Variants in ABCC4 observed in about 807,000 individuals in gnomAD.
The protein encoded by ABCC4 is ATP-binding cassette sub-family C member 4.
ABCC4 carries 102 observed loss-of-function variants against 168.5 expected under a neutral mutation model. The ratio of observed to expected loss-of-function variants is 0.61; its 90% CI spans 0.52 to 0.71. ABCC4 has a LOEUF of 0.71. Ranked by LOEUF, ABCC4 falls within the 30% of genes least tolerant of loss-of-function variation. ABCC4 has a pLI of 0.00. For missense variants in ABCC4, 1,402 were observed against 1,605.8 expected, an observed-to-expected ratio of 0.87 and a Z score of 2.17; for synonymous variants, 617 against 590.7, an observed-to-expected ratio of 1.04 and a Z score of -0.65.
chr13:95,299,029 G>C (rs1247860022), intron 1 of ABCC4, among the ~76,000 whole-genome samples: 2 of 151,960 alleles, frequency 1.3e-5, no homozygotes, highest in Non-Finnish European at 2.9e-5. Context: ...GAAGCGGGAG[G>C]AACACTTGAG....
chr13:95,060,239 A>G (rs556898610), intron 26 of ABCC4, among the ~76,000 whole-genome samples: 1 of 152,360 alleles, frequency 6.6e-6, no homozygotes, highest in Admixed American at 6.5e-5. Context: ...TTTTGTAAGC[A>G]TGCTCCCTGG....
At position 95,224,929 on chromosome 13, in the gene ABCC4, T is replaced by C. The variant is rs141147162; in HGVS notation, c.531+9681A>G. ...CAACTGAATAATTAAAGCATAAATA[T>C]TGTATGGCGGTGAAGATGAGGGGAT... is the stretch of plus-strand genomic sequence containing the variant. On this transcript the variant is annotated intron_variant, in intron 4 of 30. Transcript: ENST00000645237. Among the ~76,000 whole-genome samples the C allele has an allele frequency of 3.6e-3, 548 of 152,154 alleles. 2 individuals carry two copies. The highest frequency in any genetic ancestry group is 0.013 in the African/African-American group (523 of 41,490).
rs2039712302 is a variant in ABCC4, at chr13:95,234,634, G to A, written c.507C>T (p.Ala169=). The A allele has an allele frequency of 6.2e-7, 1 of 1,613,950 alleles. No homozygotes were observed. ...CCTTCCGATAAATCATATGGCACAT[G>A]GCTACTCGTAACCTCATCCCAGCAC... is the stretch of plus-strand genomic sequence containing the variant. ...VQCAGMRLRV[A]MCHMIYRKAL... is the part of the protein sequence containing the mutation. The change falls in exon 4 of 31, where the codon GCC becomes GCT. Residue 169 remains alanine, a synonymous_variant. Coordinates refer to ENST00000645237, the MANE Select transcript of ABCC4 (RefSeq NM_005845.5).
chr13:95,295,656 C>T (rs2041511283), intron 1 of ABCC4, among the ~76,000 whole-genome samples: 1 of 148,346 alleles, frequency 6.7e-6, no homozygotes, highest in South Asian at 2.1e-4. Context: ...AGACTCCGTC[C>T]CCCGCCCCTC....
At chr13:95,174,873 C>T (rs932569113) in intron 13 of ABCC4, among the ~76,000 whole-genome samples, 8 of 152,238 alleles carry the variant, frequency 5.3e-5, no homozygotes, top group African/African-American at 1.9e-4. Context: ...GCTTATCCTG[C>T]ACTCTGCATT....
intron 8 of ABCC4, among the ~76,000 whole-genome samples, chr13:95,196,870 C>T (rs749100817): frequency 2.0e-5 from 3 of 152,186 alleles, no homozygotes; most frequent in Non-Finnish European, 2.9e-5. Context: ...ACAACCAAAC[C>T]GTTCCCAAAC....
chr13:95,267,657 G>A (rs766579730), intron 1 of ABCC4, among the ~76,000 whole-genome samples: 2 of 152,178 alleles, frequency 1.3e-5, no homozygotes, highest in Non-Finnish European at 2.9e-5. Flanking sequence ...TTTATCCCTG[G>A]TTCTTCTAAA....
chr13:95,243,042 C>A (rs1013380125), intron 3 of ABCC4, among the ~76,000 whole-genome samples: 1 of 152,212 alleles, frequency 6.6e-6, no homozygotes, highest in Non-Finnish European at 1.5e-5. Flanking sequence ...GAATAACTGA[C>A]TACTGTCTAA....
At chr13:95,263,947 C>T (rs9590225) in intron 1 of ABCC4, among the ~76,000 whole-genome samples, 2,813 of 152,144 alleles carry the variant, frequency 0.018, 77 homozygotes, top group African/African-American at 0.06. Context: ...AATCCAAGAT[C>T]GGGGCAGAAG....
intron 27 of ABCC4, among the ~76,000 whole-genome samples, chr13:95,049,469 G>A (rs7324971): frequency 0.057 from 8,726 of 151,806 alleles, 309 homozygotes; most frequent in African/African-American, 0.088. Flanking sequence ...GTGAAACCCC[G>A]TCTCTACTAA....
At chr13:95,278,121 GGTTA>G (rs1478770695) in intron 1 of ABCC4, among the ~76,000 whole-genome samples, 1 of 148,000 alleles carries the variant, frequency 6.8e-6, no homozygotes, top group African/African-American at 2.5e-5. Flanking sequence ...ACAGGTTACA[GGTTA>G]TTTCTGAAGA....
chr13:95,226,729 T>A (rs1167783131), intron 4 of ABCC4, among the ~76,000 whole-genome samples: 1 of 152,144 alleles, frequency 6.6e-6, no homozygotes, highest in Non-Finnish European at 1.5e-5. Context: ...CCTGGACACC[T>A]GACTCAACAC....
chr13:95,159,093 T>TTA (rs554884258), intron 19 of ABCC4, among the ~76,000 whole-genome samples: 3,731 of 60,804 alleles, frequency 0.061, 165 homozygotes, highest in Middle Eastern at 0.078. Context: ...TAAATAAATT[T>TTA]TATATATATA....
At chr13:95,125,739 G>GAA (rs565967324) in intron 19 of ABCC4, among the ~76,000 whole-genome samples, 30 of 152,320 alleles carry the variant, frequency 2.0e-4, no homozygotes, top group South Asian at 1.0e-3. Flanking sequence ...ATTGCCTCGG[G>GAA]AAACCATTTT....
chr13:95,246,860 C>T, intron 3 of ABCC4, 115 bp downstream of exon 3: 3 of 1,237,564 alleles, frequency 2.4e-6, no homozygotes, highest in Non-Finnish European at 3.4e-6. Flanking sequence ...TACCTTCAAA[C>T]CCCATCTGGC....
At chr13:95,256,548 T>C (rs572537882) in intron 1 of ABCC4, among the ~76,000 whole-genome samples, 3 of 152,170 alleles carry the variant, frequency 2.0e-5, no homozygotes, top group African/African-American at 4.8e-5. Context: ...TTGAGCCCAG[T>C]AGTTTGACAC....
At chr13:95,176,962 C>T (rs896602385) in intron 13 of ABCC4, among the ~76,000 whole-genome samples, 1 of 152,218 alleles carries the variant, frequency 6.6e-6, no homozygotes, top group African/African-American at 2.4e-5. Context: ...ACCTCCATGG[C>T]TCAGTGTCTA....
rs55980425 is a variant in ABCC4, at chr13:95,054,021, C to CTTTTTTTTTT, written c.3367-847_3367-838dup. On this transcript the variant is annotated intron_variant, in intron 26 of 30. Transcript: ENST00000645237. ...CTCTCCAATGTCAGAATGGGACATC[C>CTTTTTTTTTT]TTTTTTTTTTTTTTTTTTTTTTTTT... 1.1e-3 allele frequency: 78 copies of CTTTTTTTTTT among 71,630 alleles called. 8 individuals are homozygous for CTTTTTTTTTT. Among genetic ancestry groups the CTTTTTTTTTT allele is most frequent in the African/African-American group, 5.1e-3 (70 of 13,774 alleles). 4.4% of individuals were successfully genotyped at this position (71,630 alleles called of 1,614,324 possible).
intron 1 of ABCC4, among the ~76,000 whole-genome samples, chr13:95,294,605 C>G (rs2041481600): frequency 6.6e-6 from 1 of 152,180 alleles, no homozygotes; most frequent in African/African-American, 2.4e-5. Flanking sequence ...CAACCACTTC[C>G]TATTGGCCAG....
Sources: allele counts gnomAD v4.1 joint callset (sites outside exome capture counted in the v4.1 genomes callset), GRCh38; gene constraint gnomAD v4.1.1; transcripts MANE v1.5; gene names NCBI Gene and HGNC (gene_info 2026-07-23, HGNC 2026-07-21).